The following LUZP2 variants were observed in gnomAD, a reference collection of about 807,000 sequenced individuals.
LUZP2 encodes the protein leucine zipper protein 2.
Under a neutral mutation model 51.6 loss-of-function variants are expected in LUZP2, and 52 were observed. The observed-to-expected ratio is 1.01, with a 90% CI of 0.81 to 1.27. LUZP2 has a LOEUF of 1.27. Among genes scored for constraint, LUZP2 ranks in the 50% most tolerant of loss-of-function variants. The pLI is 0.00. For missense variants in LUZP2, 436 were observed against 395.4 expected, an observed-to-expected ratio of 1.10 and a Z score of -0.87; for synonymous variants, 154 against 137.3, an observed-to-expected ratio of 1.12 and a Z score of -0.85.
chr11:24,650,276 A>G (rs1233794268), intron 1 of LUZP2, among the ~76,000 whole-genome samples: 1 of 151,986 alleles, frequency 6.6e-6, no homozygotes, highest in Non-Finnish European at 1.5e-5. Flanking sequence ...TTTTATTCAA[A>G]TTACCTAAAA....
intron 1 of LUZP2, among the ~76,000 whole-genome samples, chr11:24,532,492 C>A (rs962611951): frequency 4.0e-5 from 6 of 150,948 alleles, no homozygotes; most frequent in Non-Finnish European, 7.4e-5. Flanking sequence ...ATCCTAAGAA[C>A]CATCTCAATT....
At chr11:24,630,295 G>C (rs1197959943) in intron 1 of LUZP2, among the ~76,000 whole-genome samples, 2 of 151,814 alleles carry the variant, frequency 1.3e-5, no homozygotes, top group Non-Finnish European at 2.9e-5. Flanking sequence ...TTGTTCCTAT[G>C]TTTTCTTCTT....
intron 1 of LUZP2, among the ~76,000 whole-genome samples, chr11:24,623,165 C>A (rs1346628717): frequency 1.3e-5 from 2 of 151,780 alleles, no homozygotes; most frequent in Non-Finnish European, 2.9e-5. Flanking sequence ...CCCCCCCAAA[C>A]AACATAAATC....
chr11:24,902,404 C>T lies in LUZP2; in HGVS notation c.397-3587C>T, dbSNP rs183592934. On this transcript the variant is annotated intron_variant, in intron 5 of 11. Transcript: ENST00000336930. ...ATTCTAATAAAGACTCTGAGAAATC[C>T]GGAGAAAATAAATCTTTTTCAACAT... is the stretch of plus-strand genomic sequence containing the variant. Among the ~76,000 whole-genome samples, 14 of 152,152 alleles carry T rather than the reference C, an allele frequency of 9.2e-5. 1 individual carries two copies. Among genetic ancestry groups the T allele is most frequent in the East Asian group, 5.8e-4 (3 of 5,180 alleles).
intron 5 of LUZP2, among the ~76,000 whole-genome samples, chr11:24,893,547 CATAAT>C (rs1411449641): frequency 6.6e-6 from 1 of 152,082 alleles, no homozygotes; most frequent in Non-Finnish European, 1.5e-5. Flanking sequence ...GAAGACTACA[CATAAT>C]ATATCACCTA....
intron 8 of LUZP2, among the ~76,000 whole-genome samples, chr11:24,980,078 T>C (rs1428699810): frequency 2.0e-5 from 3 of 151,840 alleles, no homozygotes; most frequent in African/African-American, 7.2e-5. Flanking sequence ...GCTGATTTCA[T>C]GGCAGAAATA....
chr11:24,711,466 TAAATA>T (rs1360901593), intron 1 of LUZP2, among the ~76,000 whole-genome samples: 3 of 149,266 alleles, frequency 2.0e-5, no homozygotes, highest in African/African-American at 7.5e-5. Context: ...AATAAATAAA[TAAATA>T]AATAAATAAA....
At chr11:24,831,737 A>G (rs561617618) in intron 5 of LUZP2, among the ~76,000 whole-genome samples, 1 of 152,318 alleles carries the variant, frequency 6.6e-6, no homozygotes, top group African/African-American at 2.4e-5. Context: ...CAAAGAAAGC[A>G]AAGCACACCA....
chr11:24,618,199 G>A (rs890632448), intron 1 of LUZP2, among the ~76,000 whole-genome samples: 2 of 152,128 alleles, frequency 1.3e-5, no homozygotes, highest in Non-Finnish European at 2.9e-5. Context: ...ATCTCCACTA[G>A]GCCACATGTG....
At chr11:24,983,838 T>A (rs1463422411) in intron 9 of LUZP2, among the ~76,000 whole-genome samples, 1 of 147,990 alleles carries the variant, frequency 6.8e-6, no homozygotes, top group Non-Finnish European at 1.5e-5. Flanking sequence ...TGAGTTAGAC[T>A]CCAGTTATCA....
chr11:24,808,991 G>A (rs1256066597), intron 5 of LUZP2, among the ~76,000 whole-genome samples: 1 of 151,896 alleles, frequency 6.6e-6, no homozygotes, highest in Non-Finnish European at 1.5e-5. Flanking sequence ...TTTTCTTTTG[G>A]AAGATAGGTG....
intron 5 of LUZP2, among the ~76,000 whole-genome samples, chr11:24,763,773 C>T (rs1048814433): frequency 6.6e-6 from 1 of 152,080 alleles, no homozygotes; most frequent in African/African-American, 2.4e-5. Flanking sequence ...AAAATGTAAG[C>T]ATCCTATTAA....
chr11:24,738,859 G>A (rs1180096779), intron 4 of LUZP2, among the ~76,000 whole-genome samples: 3 of 152,000 alleles, frequency 2.0e-5, no homozygotes, highest in East Asian at 1.9e-4. Context: ...CTCTTACTAC[G>A]AATATTTACC....
chr11:24,757,277 A>G (rs1859811388), intron 4 of LUZP2, among the ~76,000 whole-genome samples: 2 of 152,222 alleles, frequency 1.3e-5, no homozygotes, highest in Non-Finnish European at 2.9e-5. Flanking sequence ...ACATAAATGA[A>G]GTTCTATAAA....
intron 4 of LUZP2, among the ~76,000 whole-genome samples, chr11:24,759,561 G>A (rs138420820): frequency 1.3e-5 from 2 of 152,218 alleles, no homozygotes; most frequent in East Asian, 3.9e-4. Flanking sequence ...TAATTGTTAA[G>A]TATGAACAAT....
chr11:24,825,842 A>G (rs2134167312), intron 5 of LUZP2, among the ~76,000 whole-genome samples: 1 of 152,164 alleles, frequency 6.6e-6, no homozygotes, highest in East Asian at 1.9e-4. Context: ...CTTATTGATT[A>G]GAAAAATAGT....
intron 5 of LUZP2, among the ~76,000 whole-genome samples, chr11:24,861,349 G>T (rs1374994253): frequency 6.6e-6 from 1 of 152,122 alleles, no homozygotes; most frequent in African/African-American, 2.4e-5. Flanking sequence ...GAAAAATATG[G>T]GGAGAATGTA....
chr11:24,548,921 TTTC>T (rs1590167938), intron 1 of LUZP2, among the ~76,000 whole-genome samples: 1 of 151,970 alleles, frequency 6.6e-6, no homozygotes, highest in East Asian at 1.9e-4. Flanking sequence ...GGTAAATACT[TTTC>T]TTCTCAATTT....
At chr11:25,044,831 TG>T (rs1858242215) in intron 9 of LUZP2, among the ~76,000 whole-genome samples, 1 of 151,916 alleles carries the variant, frequency 6.6e-6, no homozygotes, top group South Asian at 2.1e-4. Flanking sequence ...AAGGATAGAC[TG>T]GATTAAGAAA....
Sources: allele counts gnomAD v4.1 joint callset (sites outside exome capture counted in the v4.1 genomes callset), GRCh38; gene constraint gnomAD v4.1.1; transcripts MANE v1.5; gene names NCBI Gene and HGNC (gene_info 2026-07-23, HGNC 2026-07-21).